Variants in ABI3BP observed in about 807,000 individuals in gnomAD.
ABI3BP encodes ABI family member 3 binding protein.
Under a neutral mutation model 268.6 loss-of-function variants are expected in ABI3BP, and 216 were observed. That is an observed-to-expected ratio of 0.80 (90% CI 0.72 to 0.90). The LOEUF is 0.90. ABI3BP is among the 40% of genes least tolerant of loss of function. The pLI is 0.00. For synonymous variants in ABI3BP, 730 were observed against 730.0 expected, an observed-to-expected ratio of 1.00 and a Z score of 0.00; for missense variants, 2,090 against 2,182.4, an observed-to-expected ratio of 0.96 and a Z score of 0.84.
chr3:100,770,280 A>T (rs1164305986), intron 62 of ABI3BP, among the ~76,000 whole-genome samples: 5 of 152,172 alleles, frequency 3.3e-5, no homozygotes, highest in Admixed American at 2.6e-4. Context: ...CAGAATAAAA[A>T]TTTCTTAAGA....
intron 2 of ABI3BP, among the ~76,000 whole-genome samples, chr3:100,904,782 G>C (rs965451542): frequency 6.6e-6 from 1 of 152,180 alleles, no homozygotes; most frequent in African/African-American, 2.4e-5. Flanking sequence ...AGAGGATGTG[G>C]AGAAATAGGA....
intron 14 of ABI3BP, among the ~76,000 whole-genome samples, chr3:100,856,954 T>C (rs2098947217): frequency 6.6e-6 from 1 of 152,202 alleles, no homozygotes; most frequent in South Asian, 2.1e-4. Flanking sequence ...TATAGAGTGA[T>C]TCTTGCTGCC....
At chr3:100,855,887 G>A (rs28422015) in intron 14 of ABI3BP, among the ~76,000 whole-genome samples, 27 of 152,180 alleles carry the variant, frequency 1.8e-4, no homozygotes, top group Non-Finnish European at 4.0e-4. Context: ...TCAGTGAGTG[G>A]AAAAACAAAA....
At chr3:100,885,702 T>G (rs1422884407) in intron 5 of ABI3BP, 114 bp from the exon 6 acceptor site, 2 of 583,698 alleles carry the variant, frequency 3.4e-6, no homozygotes, top group Non-Finnish European at 5.9e-6. Flanking sequence ...ATGTATAATT[T>G]TAATCACTAT....
At chr3:100,891,068 C>T (rs1046459990) in intron 4 of ABI3BP, among the ~76,000 whole-genome samples, 31 of 150,938 alleles carry the variant, frequency 2.1e-4, no homozygotes, top group South Asian at 4.2e-4. Flanking sequence ...AATGGGTTGA[C>T]ACAGTAATCT....
chr3:100,900,235 T>C (rs1449775243), intron 3 of ABI3BP, among the ~76,000 whole-genome samples: 2 of 152,218 alleles, frequency 1.3e-5, no homozygotes, highest in East Asian at 3.8e-4. Flanking sequence ...TTGTCATGTA[T>C]GAGCTCCAAT....
intron 48 of ABI3BP, among the ~76,000 whole-genome samples, 168 bp from the exon 49 acceptor site, chr3:100,810,645 A>G (rs182812415): frequency 1.3e-5 from 2 of 152,256 alleles, no homozygotes; most frequent in African/African-American, 4.8e-5. Context: ...TTAAAAAAAA[A>G]TGGTTGCAGA....
intron 1 of ABI3BP, among the ~76,000 whole-genome samples, chr3:100,972,721 T>A (rs1010154462): frequency 6.6e-6 from 1 of 152,154 alleles, no homozygotes; most frequent in African/African-American, 2.4e-5. Flanking sequence ...AATAACAGCA[T>A]CACCACATCC....
chr3:100,937,544 A>G (rs1172863684), intron 1 of ABI3BP, among the ~76,000 whole-genome samples: 1 of 152,068 alleles, frequency 6.6e-6, no homozygotes, highest in Non-Finnish European at 1.5e-5. Flanking sequence ...CCGTTACGCT[A>G]CTGTAGAACG....
chr3:100,782,370 T>A (rs970750956), intron 57 of ABI3BP, among the ~76,000 whole-genome samples: 2 of 152,122 alleles, frequency 1.3e-5, no homozygotes, highest in African/African-American at 4.8e-5. Context: ...AGGGAGAAAC[T>A]GGAAGAAATG....
At chr3:100,910,506 T>C (rs1469556577) in intron 2 of ABI3BP, among the ~76,000 whole-genome samples, 1 of 152,020 alleles carries the variant, frequency 6.6e-6, no homozygotes, top group Admixed American at 6.6e-5. Context: ...ATTGTGAAAA[T>C]AAATTCTATT....
At chr3:100,907,951 T>G (rs922329969) in intron 2 of ABI3BP, among the ~76,000 whole-genome samples, 3 of 151,396 alleles carry the variant, frequency 2.0e-5, no homozygotes, top group African/African-American at 7.3e-5. Context: ...CCATCTCTAC[T>G]AAAAAATACA....
intron 2 of ABI3BP, among the ~76,000 whole-genome samples, chr3:100,910,549 A>T (rs558343107): frequency 0.014 from 2,111 of 148,882 alleles, 26 homozygotes; most frequent in African/African-American, 0.031. Context: ...TTTTTTTTTA[A>T]AAAAAAAATA....
intron 1 of ABI3BP, among the ~76,000 whole-genome samples, chr3:100,927,041 T>C (rs573392292): frequency 6.6e-6 from 1 of 152,058 alleles, no homozygotes; most frequent in African/African-American, 2.4e-5. Context: ...TGGGAGTACA[T>C]CTGGAAATAC....
intron 50 of ABI3BP, 64 bp from the exon 51 acceptor site, chr3:100,804,930 A>G (rs2152408427): frequency 7.7e-7 from 1 of 1,306,728 alleles, no homozygotes; most frequent in East Asian, 2.3e-5. Flanking sequence ...TGCTTAAAAC[A>G]TAAGACATGT....
chr3:100,826,360 T>G (rs1237298207), intron 34 of ABI3BP, among the ~76,000 whole-genome samples: 2 of 152,180 alleles, frequency 1.3e-5, no homozygotes, highest in African/African-American at 4.8e-5. Context: ...TTTTTTTGTC[T>G]AGACTTGGCT....
chr3:100,749,586 A>T lies in ABI3BP; in HGVS notation c.*909T>A, dbSNP rs1027704. The T allele has an allele frequency of 3.6e-3, 1,396 of 388,354 alleles. 7 individuals are homozygous for T. The highest frequency in any genetic ancestry group is 4.3e-3 in the Non-Finnish European group (976 of 225,188). 24.1% of individuals were successfully genotyped at this position (388,354 alleles called of 1,614,324 possible). A position where few individuals can be genotyped will look rare whatever the true frequency, so the allele number is the denominator to read the frequency against. The stretch of plus-strand genomic sequence containing the variant: ...AACAGTTACAAAGACATTCTCTGAT[A>T]CATTCATTCATAGAGGTCTTAACGT... On this transcript the variant is annotated 3_prime_UTR_variant, in exon 68 of 68. Transcript: ENST00000471714.
intron 3 of ABI3BP, 56 bp from the exon 4 acceptor site, chr3:100,898,950 A>G: frequency 1.3e-6 from 2 of 1,518,764 alleles, no homozygotes; most frequent in Non-Finnish European, 1.8e-6. Flanking sequence ...AGTTGCCATG[A>G]TTCGGGTAAA....
At position 100,752,862 on chromosome 3, in the gene ABI3BP, A is replaced by T. The variant is rs1360194761; in HGVS notation, c.5047T>A (p.Trp1683Arg). The T allele has an allele frequency of 6.2e-7, 1 of 1,613,520 alleles. No homozygotes were observed. Among genetic ancestry groups the T allele is most frequent in the South Asian group, 1.1e-5 (1 of 91,070 alleles). The change falls in exon 66 of 68, where the codon TGG becomes AGG. Residue 1683 changes from tryptophan (W) to arginine (R), a missense_variant. Transcript: ENST00000471714. ...TGCACTCCTACAAATTTTTTATACCATGTCCTTTTGACATATTGTTTGCCC... is the reference window on the plus strand; with the variant it reads ...TGCACTCCTACAAATTTTTTATACCTTGTCCTTTTGACATATTGTTTGCCC... ...CKGKQYVKRT[W>R]YKKFVGVQLC...
Sources: gnomAD v4.1 joint callset for allele counts (sites outside exome capture counted in the v4.1 genomes callset) on GRCh38, gnomAD v4.1.1 for gene constraint, MANE v1.5 for transcripts, NCBI Gene and HGNC (gene_info 2026-07-23, HGNC 2026-07-21) for gene names.